UNC5D: variants seen among roughly 807,000 people sequenced by gnomAD.
UNC5D encodes the protein unc-5 netrin receptor D.
In UNC5D, 39 loss-of-function variants were observed where a neutral mutation model predicts 105.4. That is an observed-to-expected ratio of 0.37 (90% CI 0.29 to 0.48). The LOEUF is 0.48. Among genes scored for constraint, UNC5D ranks in the 20% least tolerant of loss-of-function variants. The probability of loss-of-function intolerance (pLI) is 0.98; values close to 1 mark genes in which losing one functional copy is unlikely to be tolerated. For missense variants in UNC5D, 991 were observed against 1,202.4 expected (o/e 0.82, Z 2.60); for synonymous variants, 452 against 450.4 (o/e 1.00, Z -0.04).
chr8:35,750,839 G>A lies in UNC5D; in HGVS notation c.2163+30G>A, dbSNP rs763280479. 8 of 1,611,366 alleles carry A rather than the reference G, an allele frequency of 5.0e-6. No homozygotes were observed. The African/African-American group carries it at 9.4e-5, about 19-fold the overall frequency. On this transcript the variant is annotated intron_variant, in intron 13 of 16. Transcript: ENST00000404895. ...GCCTTTGTTTTAATAATTTTCTTTTGGTGTCATGAAAGTGTGTGTTTTCCA... is the reference window on the plus strand; with the variant it reads ...GCCTTTGTTTTAATAATTTTCTTTTAGTGTCATGAAAGTGTGTGTTTTCCA...
At chr8:35,668,760 C>T (rs961921836) in intron 4 of UNC5D, among the ~76,000 whole-genome samples, 8 of 152,008 alleles carry the variant, frequency 5.3e-5, no homozygotes, top group South Asian at 4.1e-4. Context: ...ATAACAAAGA[C>T]GAGTGGAATC....
intron 1 of UNC5D, among the ~76,000 whole-genome samples, chr8:35,514,190 A>G (rs898953128): frequency 6.6e-6 from 1 of 152,174 alleles, no homozygotes; most frequent in Non-Finnish European, 1.5e-5. Context: ...CAGAATCCCT[A>G]TGCAGGAAAG....
chr8:35,779,731 C>T (rs1216021513), intron 16 of UNC5D, among the ~76,000 whole-genome samples: 1 of 152,190 alleles, frequency 6.6e-6, no homozygotes, highest in Non-Finnish European at 1.5e-5. Flanking sequence ...GCTGAGATTA[C>T]AGGCGTGTGC....
At chr8:35,500,773 A>G (rs902228801) in intron 1 of UNC5D, among the ~76,000 whole-genome samples, 5 of 152,226 alleles carry the variant, frequency 3.3e-5, no homozygotes, top group African/African-American at 9.6e-5. Context: ...GATTGAATGC[A>G]TGTGTATGAA....
At chr8:35,760,587 CAT>C (rs2131683518) in intron 14 of UNC5D, among the ~76,000 whole-genome samples, 1 of 152,200 alleles carries the variant, frequency 6.6e-6, no homozygotes, top group East Asian at 1.9e-4. Flanking sequence ...GCTAGCCTAC[CAT>C]AGTTTCTAAA....
At chr8:35,401,847 A>G (rs1234298890) in intron 1 of UNC5D, among the ~76,000 whole-genome samples, 3 of 152,236 alleles carry the variant, frequency 2.0e-5, no homozygotes, top group Non-Finnish European at 2.9e-5. Flanking sequence ...CCTTCAAAAG[A>G]AACTGGCAAA....
At chr8:35,294,007 T>C (rs1486662546) in intron 1 of UNC5D, among the ~76,000 whole-genome samples, 3 of 152,150 alleles carry the variant, frequency 2.0e-5, no homozygotes, top group African/African-American at 7.2e-5. Flanking sequence ...TAAAAGACAG[T>C]CTCTTACTGG....
chr8:35,645,355 C>A (rs960429183), intron 4 of UNC5D, among the ~76,000 whole-genome samples: 3 of 152,114 alleles, frequency 2.0e-5, no homozygotes, highest in Non-Finnish European at 4.4e-5. Flanking sequence ...AATCCATTGG[C>A]GTGCATTGTG....
rs372933940 is a variant in UNC5D, at chr8:35,393,599, A to C, written c.104-155693A>C. Among the ~76,000 whole-genome samples the C allele has an allele frequency of 1.4e-4, 21 of 152,312 alleles. 1 individual carries two copies. In the South Asian group the frequency reaches 4.3e-3, roughly 32 times the overall value. ...TGGATTAGGAATCCACCCTGCTCTC[A>C]GACACACTGTAGATAGTACTCACCA... On this transcript the variant is annotated intron_variant, in intron 1 of 16. Transcript: ENST00000404895.
intron 5 of UNC5D, 127 bp from the exon 6 acceptor site, chr8:35,684,455 G>A (rs1413509145): frequency 9.3e-7 from 1 of 1,073,390 alleles, no homozygotes; most frequent in African/African-American, 1.6e-5. Context: ...GCAGCCAGTG[G>A]GGGCTGCACA....
At chr8:35,311,544 A>G (rs960800572) in intron 1 of UNC5D, among the ~76,000 whole-genome samples, 1 of 152,150 alleles carries the variant, frequency 6.6e-6, no homozygotes, top group Non-Finnish European at 1.5e-5. Context: ...ATATGTAAAG[A>G]GATTGCTATG....
chr8:35,534,538 T>C (rs1814687276), intron 1 of UNC5D, among the ~76,000 whole-genome samples: 3 of 151,480 alleles, frequency 2.0e-5, no homozygotes, highest in Admixed American at 2.0e-4. Flanking sequence ...TACTCTGGTC[T>C]TCTGCTTGAG....
intron 1 of UNC5D, among the ~76,000 whole-genome samples, chr8:35,283,237 A>C (rs1806327036): frequency 6.6e-6 from 1 of 152,134 alleles, no homozygotes; most frequent in African/African-American, 2.4e-5. Flanking sequence ...TCTCTGTCAG[A>C]ATATTTCTGG....
chr8:35,711,444 T>A (rs1827960210), intron 8 of UNC5D, among the ~76,000 whole-genome samples: 1 of 151,394 alleles, frequency 6.6e-6, no homozygotes, highest in African/African-American at 2.4e-5. Context: ...CCTCCCAAAG[T>A]GCTGGGATTA....
At chr8:35,522,158 T>C (rs1322097960) in intron 1 of UNC5D, among the ~76,000 whole-genome samples, 1 of 152,188 alleles carries the variant, frequency 6.6e-6, no homozygotes, top group Non-Finnish European at 1.5e-5. Context: ...AAAATTAACA[T>C]TTATATTTTT....
At chr8:35,326,178 C>G (rs1810146828) in intron 1 of UNC5D, among the ~76,000 whole-genome samples, 1 of 152,170 alleles carries the variant, frequency 6.6e-6, no homozygotes, top group African/African-American at 2.4e-5. Context: ...CCTAAGCGGG[C>G]TGTCCCCTTG....
intron 10 of UNC5D, 36 bp downstream of exon 10, chr8:35,726,565 A>G (rs758466401): frequency 6.3e-7 from 1 of 1,592,808 alleles, no homozygotes; most frequent in East Asian, 2.2e-5. Context: ...ATTTTCCATC[A>G]TTTAAATGTT....
chr8:35,240,155 G>T (rs959655375), intron 1 of UNC5D, among the ~76,000 whole-genome samples: 1 of 151,984 alleles, frequency 6.6e-6, no homozygotes, highest in Non-Finnish European at 1.5e-5. Flanking sequence ...TCACTATTTT[G>T]CCCAGGTTGG....
In UNC5D at chr8:35,791,013, A is replaced by G. The variant is rs1191432611; in HGVS notation, c.*450A>G. ...CATCTGTGATGTCAGAGATCATTGT[A>G]AAAATGGCTTTTAGACGTGAAACAG... On this transcript the variant is annotated 3_prime_UTR_variant, in exon 17 of 17. Coordinates refer to ENST00000404895, the MANE Select transcript of UNC5D (RefSeq NM_080872.4). The G allele has an allele frequency of 2.7e-5, 5 of 183,194 alleles. No individual in the cohort carries two copies. The East Asian group carries it at 6.4e-4, about 23-fold the overall frequency. The allele number at this position is 183,194 out of a possible 1,614,324, so 11.3% of individuals were successfully genotyped here. A position where few individuals can be genotyped will look rare whatever the true frequency, so the allele number is the denominator to read the frequency against.
Sources: allele counts gnomAD v4.1 joint callset (sites outside exome capture counted in the v4.1 genomes callset), GRCh38; gene constraint gnomAD v4.1.1; transcripts MANE v1.5; gene names NCBI Gene and HGNC (gene_info 2026-07-23, HGNC 2026-07-21).